Variants in DOCK8 observed in about 807,000 individuals in gnomAD.
DOCK8 encodes dedicator of cytokinesis protein 8.
DOCK8 carries 141 observed loss-of-function variants against 245.6 expected under a neutral mutation model. That is an observed-to-expected ratio of 0.57 (90% CI 0.50 to 0.66). DOCK8 has a LOEUF of 0.66. Among genes scored for constraint, DOCK8 ranks in the 30% least tolerant of loss-of-function variants. The pLI is 0.00. For missense variants in DOCK8, 2,965 were observed against 2,603.4 expected (o/e 1.14, Z -3.02); for synonymous variants, 1,168 against 970.2 (o/e 1.20, Z -3.79).
intron 18 of DOCK8, among the ~76,000 whole-genome samples, 159 bp from the exon 19 acceptor site, chr9:376,050 GA>G (rs1208662667): frequency 2.6e-5 from 4 of 152,176 alleles, no homozygotes; most frequent in African/African-American, 9.7e-5. Context: ...AATTGAAGTT[GA>G]ATCCAGGGCT....
chr9:233,898 T>A (rs2047182921), intron 1 of DOCK8, among the ~76,000 whole-genome samples: 2 of 152,220 alleles, frequency 1.3e-5, no homozygotes, highest in African/African-American at 4.8e-5. Context: ...CCCATTTACA[T>A]TTAATTTAAT....
At chr9:403,966 A>ATATATATGTGTATATATATATATG (rs2055284125) in intron 26 of DOCK8, among the ~76,000 whole-genome samples, 1 of 72,736 alleles carries the variant, frequency 1.4e-5, no homozygotes, top group Admixed American at 1.5e-4. Flanking sequence ...ATATGTATAT[A>ATATATATGTGTATATATATATATG]TATATATATG....
intron 18 of DOCK8, 127 bp from the exon 19 acceptor site, chr9:376,083 A>T: frequency 1.3e-6 from 1 of 755,456 alleles, no homozygotes; most frequent in African/African-American, 1.7e-5. Flanking sequence ...GAACAGTTAG[A>T]TTAGTTTTCA....
chr9:264,853 C>G (rs2048000431), intron 1 of DOCK8, among the ~76,000 whole-genome samples: 1 of 152,228 alleles, frequency 6.6e-6, no homozygotes, highest in Non-Finnish European at 1.5e-5. Flanking sequence ...ATGCCATGCA[C>G]AATGATCTAA....
intron 23 of DOCK8, among the ~76,000 whole-genome samples, chr9:389,133 A>G (rs2131343892): frequency 6.6e-6 from 1 of 152,284 alleles, no homozygotes; most frequent in African/African-American, 2.4e-5. Flanking sequence ...TTTGCCCAGG[A>G]CTGAGGGAGT....
chr9:220,999 A>G (rs1052341905), intron 1 of DOCK8: 2 of 193,956 alleles, frequency 1.0e-5, no homozygotes, highest in African/African-American at 4.8e-5. Context: ...CATGAAATTT[A>G]TATAGTGTGT....
At chr9:212,076 A>T (rs1435857981), upstream of DOCK8, among the ~76,000 whole-genome samples, 1 of 152,222 alleles carries the variant, frequency 6.6e-6, no homozygotes, top group Non-Finnish European at 1.5e-5. Context: ...CAAGTCACTT[A>T]ACTTCTCTAA....
intron 1 of DOCK8, among the ~76,000 whole-genome samples, chr9:265,179 G>A (rs1468460690): frequency 2.0e-5 from 3 of 152,122 alleles, no homozygotes; most frequent in African/African-American, 4.8e-5. Flanking sequence ...TGATCCACCC[G>A]CCTTGGCCTC....
intron 1 of DOCK8, among the ~76,000 whole-genome samples, chr9:227,451 A>G (rs2047013993): frequency 6.6e-6 from 1 of 152,156 alleles, no homozygotes; most frequent in Non-Finnish European, 1.5e-5. Flanking sequence ...TTGTCACATT[A>G]TCTTTCTCCT....
chr9:289,511 G>A lies in DOCK8; in HGVS notation c.334G>A (p.Val112Ile). ...TTATTTCATTTTCTACCTCATTAGG[G>A]TTGAACTGGACCCTCATGTCAGGGA... ...TLQPSLPEEGVELDPHVRDCV... is the reference protein window; with the variant it reads ...TLQPSLPEEGIELDPHVRDCV... The change falls in exon 4 of 48, where the codon GTT (valine) becomes ATT (isoleucine). Residue 112 changes from valine (V) to isoleucine (I), a missense_variant and splice_region_variant. Val to Ile is a conservative substitution (Grantham distance 29, BLOSUM62 3). This residue lies in a region of DOCK8 where 2,825 missense variants were observed against 2,453.5 expected (regional missense o/e 1.15). Coordinates refer to ENST00000432829, the MANE Select transcript of DOCK8 (RefSeq NM_203447.4). 6.2e-7 allele frequency: 1 copy of A among 1,613,376 alleles called. No homozygotes were observed. The highest frequency in any genetic ancestry group is 8.5e-7 in the Non-Finnish European group (1 of 1,179,498).
intron 14 of DOCK8, among the ~76,000 whole-genome samples, chr9:348,479 G>A (rs2052009442): frequency 1.3e-5 from 2 of 152,172 alleles, no homozygotes; most frequent in Non-Finnish European, 2.9e-5. Context: ...CGGTTTAACA[G>A]TGACGAGTGT....
At chr9:319,919 G>A (rs1254162927) in intron 7 of DOCK8, among the ~76,000 whole-genome samples, 1 of 152,224 alleles carries the variant, frequency 6.6e-6, no homozygotes, top group East Asian at 1.9e-4. Flanking sequence ...AAACTTTAAT[G>A]TGCAGAAAAT....
intron 9 of DOCK8, among the ~76,000 whole-genome samples, chr9:331,653 G>T (rs1366620899): frequency 2.0e-5 from 3 of 152,116 alleles, no homozygotes; most frequent in African/African-American, 4.8e-5. Flanking sequence ...ATTTCTCCTT[G>T]TCTTTCTTTT....
In DOCK8 at chr9:395,748, C is replaced by G. The variant is rs117869333; in HGVS notation, c.2971-1037C>G. On this transcript the variant is annotated intron_variant, in intron 24 of 47. Coordinates refer to ENST00000432829, the MANE Select transcript of DOCK8 (RefSeq NM_203447.4). Reference sequence around the variant, plus strand: ...CCATATTGACCTGTGAATCTCCTGGCCCCAAGAAGATGTCCAAAAAATAAG... The same window carrying G: ...CCATATTGACCTGTGAATCTCCTGGGCCCAAGAAGATGTCCAAAAAATAAG... 3.9e-3 allele frequency among the ~76,000 whole-genome samples: 591 copies of G among 152,192 alleles called. 3 individuals are homozygous for G. Among genetic ancestry groups the G allele is most frequent in the Non-Finnish European group, 6.1e-3 (418 of 68,016 alleles).
chr9:409,894 CATAGT>C (rs2055636557), intron 28 of DOCK8, among the ~76,000 whole-genome samples: 1 of 152,094 alleles, frequency 6.6e-6, no homozygotes, highest in South Asian at 2.1e-4. Context: ...TTTATGGCTG[CATAGT>C]ATTCCATGGT....
chr9:429,348 A>T (rs925179834), intron 35 of DOCK8, among the ~76,000 whole-genome samples: 1 of 152,204 alleles, frequency 6.6e-6, no homozygotes, highest in African/African-American at 2.4e-5. Flanking sequence ...TCTTCTGCTC[A>T]TCCTTCTCAG....
chr9:328,199 A>G (rs1297984027), intron 9 of DOCK8, 28 bp downstream of exon 9: 2 of 1,603,020 alleles, frequency 1.2e-6, no homozygotes, highest in East Asian at 2.3e-5. Flanking sequence ...GATTTGCCCA[A>G]TCTGATGTTT....
intron 7 of DOCK8, among the ~76,000 whole-genome samples, chr9:325,376 A>G (rs2050717391): frequency 6.6e-6 from 1 of 152,212 alleles, no homozygotes; most frequent in Non-Finnish European, 1.5e-5. Flanking sequence ...GAATCACACT[A>G]AAGGTCCATT....
intron 14 of DOCK8, 81 bp downstream of exon 14, chr9:340,402 C>A (rs2130924244): frequency 5.1e-6 from 8 of 1,570,992 alleles, no homozygotes; most frequent in South Asian, 1.1e-5. Context: ...AGGAGGATTG[C>A]TTGAGCTCAG....
Sources: gnomAD v4.1 joint callset for allele counts (sites outside exome capture counted in the v4.1 genomes callset) on GRCh38, gnomAD v4.1.1 for gene constraint, gnomAD v4.1.1 regional missense constraint, MANE v1.5 for transcripts, NCBI Gene and HGNC (gene_info 2026-07-23, HGNC 2026-07-21) for gene names.